Variants in ZFHX3 observed in about 807,000 individuals in gnomAD.
The protein encoded by ZFHX3 is zinc finger homeobox protein 3.
A neutral mutation model predicts 279.1 loss-of-function variants in ZFHX3; 42 were observed. That is an observed-to-expected ratio of 0.15 (90% confidence interval 0.12 to 0.19). The LOEUF is 0.19. Among genes scored for constraint, ZFHX3 ranks in the 10% least tolerant of loss-of-function variants. ZFHX3 has a pLI of 1.00. For missense variants in ZFHX3, 4,981 were observed against 4,754.0 expected (o/e 1.05, Z -1.40); for synonymous variants, 2,293 against 1,957.8 (o/e 1.17, Z -4.52).
At chr16:73,314,206 T>A (rs1218256274) in intron 4 of ZFHX3, among the ~76,000 whole-genome samples, 1 of 152,208 alleles carries the variant, frequency 6.6e-6, no homozygotes, top group Non-Finnish European at 1.5e-5. Flanking sequence ...TAGGCCTCCC[T>A]GAGCAAGAGG....
intron 4 of ZFHX3, among the ~76,000 whole-genome samples, chr16:73,260,352 A>G (rs571699474): frequency 6.6e-6 from 1 of 152,068 alleles, no homozygotes; most frequent in East Asian, 1.9e-4. Flanking sequence ...TTTGGGAGAT[A>G]TTTTGAGACT....
chr16:73,325,441 G>T (rs2015662055), intron 3 of ZFHX3, among the ~76,000 whole-genome samples: 1 of 152,178 alleles, frequency 6.6e-6, no homozygotes, highest in African/African-American at 2.4e-5. Context: ...TCTGGGGTGA[G>T]TCTGGTGACT....
intron 7 of ZFHX3, among the ~76,000 whole-genome samples, chr16:73,101,450 C>G (rs1250650250): frequency 6.6e-6 from 1 of 152,188 alleles, no homozygotes; most frequent in Non-Finnish European, 1.5e-5. Context: ...ACGATCTTGG[C>G]TCACTGCAAC....
At chr16:73,627,959 A>T (rs1264905424) in intron 2 of ZFHX3, among the ~76,000 whole-genome samples, 6 of 152,174 alleles carry the variant, frequency 3.9e-5, no homozygotes, top group Admixed American at 3.9e-4. Flanking sequence ...GGGAAGTGGC[A>T]TGAGAAGTAG....
At chr16:72,919,726 T>C (rs775020752) in intron 3 of ZFHX3, among the ~76,000 whole-genome samples, 3 of 150,266 alleles carry the variant, frequency 2.0e-5, no homozygotes, top group Non-Finnish European at 4.4e-5. Flanking sequence ...AACATTTTTA[T>C]ACTATGTTGA....
chr16:73,089,914 A>G (rs2144775471), intron 8 of ZFHX3, among the ~76,000 whole-genome samples: 1 of 152,332 alleles, frequency 6.6e-6, no homozygotes, highest in East Asian at 1.9e-4. Flanking sequence ...CCCCAAGCTC[A>G]TCTCCAGTCT....
chr16:73,771,627 A>G (rs1214885834), intron 1 of ZFHX3, among the ~76,000 whole-genome samples: 1 of 151,582 alleles, frequency 6.6e-6, no homozygotes, highest in East Asian at 1.9e-4. Flanking sequence ...CACAGGACAT[A>G]AGAGTACCTA....
At chr16:72,922,647 C>T (rs750157334) in intron 3 of ZFHX3, among the ~76,000 whole-genome samples, 1 of 152,216 alleles carries the variant, frequency 6.6e-6, no homozygotes, top group African/African-American at 2.4e-5. Context: ...GAACGACCGT[C>T]ACTCCCAGCG....
chr16:72,906,952 G>A (rs1056308103), intron 3 of ZFHX3, among the ~76,000 whole-genome samples: 6 of 152,180 alleles, frequency 3.9e-5, no homozygotes, highest in African/African-American at 1.2e-4. Context: ...GACACATCAC[G>A]CATGCTACAA....
intron 1 of ZFHX3, among the ~76,000 whole-genome samples, chr16:73,802,493 C>T (rs1228155191): frequency 1.3e-5 from 2 of 152,192 alleles, no homozygotes; most frequent in African/African-American, 4.8e-5. Context: ...GCAGAAGTAT[C>T]CCAGACACTG....
intron 7 of ZFHX3, among the ~76,000 whole-genome samples, chr16:73,128,173 G>A (rs12449103): frequency 0.2 from 29,812 of 151,350 alleles, 3,879 homozygotes; most frequent in Middle Eastern, 0.33. Context: ...TTTTCTGACT[G>A]ATACAGGGGG....
rs566171990 is a variant in ZFHX3 at position 73,292,000 on chromosome 16, G to C, written c.-1194+26240C>G. On this transcript the variant is annotated intron_variant, in intron 4 of 17. Coordinates refer to the ZFHX3 transcript ENST00000641206. ...TACCTCTCCTCTGGGTAAGCAGAGG[G>C]CATGCCTGGAACTGAAGTTTCTAAG... Among the ~76,000 whole-genome samples, 332 of 152,270 alleles carry C rather than the reference G, an allele frequency of 2.2e-3. 2 individuals carry two copies. Among genetic ancestry groups the C allele is most frequent in the Non-Finnish European group, 1.5e-3 (102 of 68,012 alleles).
intron 1 of ZFHX3, among the ~76,000 whole-genome samples, chr16:72,998,052 C>T (rs754687875): frequency 2.6e-5 from 4 of 151,628 alleles, no homozygotes; most frequent in Admixed American, 6.6e-5. Flanking sequence ...ACTGTACTCC[C>T]GTGATTTAAA....
intron 1 of ZFHX3, among the ~76,000 whole-genome samples, chr16:73,851,918 C>A (rs985564404): frequency 1.2e-4 from 19 of 152,254 alleles, no homozygotes; most frequent in Non-Finnish European, 2.8e-4. Context: ...GGAGGTAGGG[C>A]ATTAATGACA....
chr16:73,730,572 G>C (rs943604326), intron 1 of ZFHX3, among the ~76,000 whole-genome samples: 3 of 152,062 alleles, frequency 2.0e-5, no homozygotes, highest in African/African-American at 7.2e-5. Context: ...AATTCCATAT[G>C]GTTCCCGTCT....
chr16:72,957,836 G>C lies in ZFHX3; in HGVS notation c.2310C>G (p.Ala770=), dbSNP rs374350411. The part of the protein sequence containing the change: ...GGGEQVFSHT[A]GAAAAAVAAA... ...CAGCCACCGCCGCCGCCGCCGCCCC[G>C]GCAGTGTGGCTGAAGACCTGCTCCC... is the stretch of plus-strand genomic sequence containing the variant. The change falls in exon 2 of 10, where the codon GCC becomes GCG. Residue 770 remains alanine (A), a synonymous_variant. Transcript: ENST00000268489. 7 of 1,612,454 alleles carry C rather than the reference G, an allele frequency of 4.3e-6. No individual in the cohort carries two copies. Among genetic ancestry groups the C allele is most frequent in the Admixed American group, 1.7e-5 (1 of 59,942 alleles).
intron 7 of ZFHX3, among the ~76,000 whole-genome samples, chr16:73,107,858 T>G (rs62052384): frequency 0.17 from 25,948 of 152,000 alleles, 2,990 homozygotes; most frequent in Middle Eastern, 0.24. Context: ...CTACAGAAAA[T>G]TTTAAAAATT....
rs2035344424 is a variant in ZFHX3, at chr16:72,785,827, A to C, written c.*1337T>G. Reference sequence around the variant, plus strand: ...GGAAAAGAAGGGGTACAAAGAAAAAAAAGCCAAAAGAAGGATAAATAAAAA... The same window carrying C: ...GGAAAAGAAGGGGTACAAAGAAAAACAAGCCAAAAGAAGGATAAATAAAAA... On this transcript the variant is annotated 3_prime_UTR_variant, in exon 10 of 10. Coordinates refer to ENST00000268489, the MANE Select transcript of ZFHX3 (RefSeq NM_006885.4). 6.8e-6 allele frequency: 1 copy of C among 148,090 alleles called. No homozygotes were observed. Among genetic ancestry groups the C allele is most frequent in the Admixed American group, 6.8e-5 (1 of 14,772 alleles). 9.2% of individuals were successfully genotyped at this position (148,090 alleles called of 1,614,324 possible). A position where few individuals can be genotyped will look rare whatever the true frequency, so the allele number is the denominator to read the frequency against.
At chr16:73,200,040 G>A (rs1410801110) in intron 5 of ZFHX3, among the ~76,000 whole-genome samples, 2 of 151,842 alleles carry the variant, frequency 1.3e-5, no homozygotes, top group Admixed American at 1.3e-4. Flanking sequence ...GGTTCCACAT[G>A]GAAAAAAGAA....
Sources: allele counts gnomAD v4.1 joint callset (sites outside exome capture counted in the v4.1 genomes callset), GRCh38; gene constraint gnomAD v4.1.1; transcripts MANE v1.5; gene names NCBI Gene and HGNC (gene_info 2026-07-23, HGNC 2026-07-21).